RBMS1: variants seen among roughly 807,000 people sequenced by gnomAD.
The protein encoded by RBMS1 is RNA binding motif single stranded interacting protein 1.
A neutral mutation model predicts 62.3 loss-of-function variants in RBMS1; 17 were observed. The observed-to-expected ratio is 0.27, with a 90% CI of 0.19 to 0.41. The LOEUF (loss-of-function observed/expected upper bound fraction) is 0.41, where lower values mean the gene tolerates loss of function less well. RBMS1 is among the 10% of genes least tolerant of loss of function. The pLI is 1.00. For synonymous variants in RBMS1, 172 were observed against 170.0 expected, an observed-to-expected ratio of 1.01 and a Z score of -0.09; for missense variants, 334 against 504.5, an observed-to-expected ratio of 0.66 and a Z score of 3.24.
intron 6 of RBMS1, among the ~76,000 whole-genome samples, chr2:160,297,168 G>A (rs1462193702): frequency 2.0e-5 from 3 of 152,202 alleles, no homozygotes; most frequent in African/African-American, 7.2e-5. Flanking sequence ...GATGCATTAT[G>A]CCAGCTAAAC....
intron 1 of RBMS1, among the ~76,000 whole-genome samples, chr2:160,455,968 C>T (rs988479750): frequency 3.3e-5 from 5 of 151,886 alleles, no homozygotes; most frequent in East Asian, 1.9e-4. Context: ...CAGGCGTGAG[C>T]CACCGCGCCC....
At chr2:160,382,366 C>T (rs1174328916) in intron 1 of RBMS1, among the ~76,000 whole-genome samples, 1 of 152,152 alleles carries the variant, frequency 6.6e-6, no homozygotes, top group African/African-American at 2.4e-5. Context: ...AGAACAATTT[C>T]CCAACTCCAT....
chr2:160,451,354 C>T (rs1418101486), intron 1 of RBMS1, among the ~76,000 whole-genome samples: 2 of 152,058 alleles, frequency 1.3e-5, no homozygotes, highest in Non-Finnish European at 1.5e-5. Flanking sequence ...GTTCACCTTC[C>T]AGTGCCTTCA....
chr2:160,343,818 C>T (rs1443022660), intron 2 of RBMS1, among the ~76,000 whole-genome samples: 4 of 152,052 alleles, frequency 2.6e-5, no homozygotes, highest in African/African-American at 7.2e-5. Context: ...ACTTTTGATG[C>T]GTTATTAATT....
intron 1 of RBMS1, among the ~76,000 whole-genome samples, chr2:160,466,356 T>A (rs1684689869): frequency 6.6e-6 from 1 of 152,130 alleles, no homozygotes; most frequent in Non-Finnish European, 1.5e-5. Flanking sequence ...TATAAAATAT[T>A]GTTTGCTTTC....
intron 10 of RBMS1, among the ~76,000 whole-genome samples, chr2:160,281,080 G>C (rs545634048): frequency 6.6e-6 from 1 of 152,108 alleles, no homozygotes; most frequent in Non-Finnish European, 1.5e-5. Flanking sequence ...AGAAAATGGT[G>C]CCCTGCCTCA....
chr2:160,396,987 T>C (rs780674875), intron 1 of RBMS1, among the ~76,000 whole-genome samples: 34 of 152,222 alleles, frequency 2.2e-4, no homozygotes, highest in Admixed American at 9.2e-4. Flanking sequence ...TCATTGTCTT[T>C]CTTGATTTCA....
chr2:160,426,210 G>A (rs543964312), intron 1 of RBMS1, among the ~76,000 whole-genome samples: 31 of 132,800 alleles, frequency 2.3e-4, no homozygotes, highest in African/African-American at 6.0e-4. Flanking sequence ...AAGAAAGAGA[G>A]AGAGACAGAA....
chr2:160,446,057 A>G (rs757921148), intron 1 of RBMS1, among the ~76,000 whole-genome samples: 2 of 152,232 alleles, frequency 1.3e-5, no homozygotes, highest in Non-Finnish European at 2.9e-5. Flanking sequence ...TCTGGGCAAG[A>G]ATAGTTTTCT....
intron 1 of RBMS1, among the ~76,000 whole-genome samples, chr2:160,448,940 G>T (rs948661636): frequency 3.3e-5 from 5 of 151,722 alleles, no homozygotes; most frequent in Admixed American, 2.0e-4. Context: ...CCTCTGCCCG[G>T]TCGCCATCCC....
At chr2:160,436,754 C>T (rs527829347) in intron 1 of RBMS1, among the ~76,000 whole-genome samples, 10 of 152,102 alleles carry the variant, frequency 6.6e-5, no homozygotes, top group African/African-American at 2.4e-4. Flanking sequence ...GTGCTGCTGT[C>T]ATGGAAAAGG....
chr2:160,325,713 A>G (rs953421887), intron 2 of RBMS1, among the ~76,000 whole-genome samples: 2 of 152,218 alleles, frequency 1.3e-5, no homozygotes, highest in East Asian at 1.9e-4. Context: ...AGGCCTAAAA[A>G]TAGTAGAAAG....
intron 2 of RBMS1, among the ~76,000 whole-genome samples, chr2:160,341,370 C>A (rs1691865192): frequency 6.6e-6 from 1 of 152,108 alleles, no homozygotes; most frequent in South Asian, 2.1e-4. Context: ...CTACCAGCAC[C>A]CATCTCACTG....
chr2:160,407,517 T>C (rs1695807879), intron 1 of RBMS1: 1 of 986,422 alleles, frequency 1.0e-6, no homozygotes, highest in East Asian at 1.1e-4. Flanking sequence ...TTGCCACTGC[T>C]GCTGGGGAAG....
chr2:160,324,905 T>TACACAC (rs1479224727), intron 2 of RBMS1, among the ~76,000 whole-genome samples: 93 of 118,690 alleles, frequency 7.8e-4, no homozygotes, highest in African/African-American at 2.5e-3. Flanking sequence ...TATATATATA[T>TACACAC]ATACACACAC....
chr2:160,458,243 C>G (rs1366946895), intron 1 of RBMS1, among the ~76,000 whole-genome samples: 3 of 152,154 alleles, frequency 2.0e-5, no homozygotes, highest in African/African-American at 7.2e-5. Flanking sequence ...GGATTACAGG[C>G]ACCAGCCATG....
chr2:160,407,070 G>T (rs993775071), intron 1 of RBMS1, among the ~76,000 whole-genome samples: 2 of 151,912 alleles, frequency 1.3e-5, no homozygotes, highest in East Asian at 1.9e-4. Context: ...GGTTTCCTAC[G>T]AATCAGACAG....
intron 1 of RBMS1, among the ~76,000 whole-genome samples, chr2:160,462,592 T>C (rs1212030430): frequency 6.6e-6 from 1 of 152,106 alleles, no homozygotes; most frequent in Admixed American, 6.6e-5. Flanking sequence ...ATATGGAACA[T>C]CATATTAGCC....
In RBMS1 at chr2:160,459,935, T is replaced by G. The variant is rs1409313148; in HGVS notation, c.75+33354A>C. On this transcript the variant is annotated intron_variant, in intron 1 of 13. Coordinates refer to ENST00000348849, the MANE Select transcript of RBMS1 (RefSeq NM_016836.4). The stretch of plus-strand genomic sequence containing the variant: ...CACTTAACTTCAAGCCTAAGCCTGC[T>G]GAGCCAGGGGAGGATTTATGACTTT... 3.3e-5 allele frequency among the ~76,000 whole-genome samples: 5 copies of G among 152,350 alleles called. No homozygotes were observed. The East Asian group carries it at 9.6e-4, about 29-fold the overall frequency.
Sources: allele counts gnomAD v4.1 joint callset (sites outside exome capture counted in the v4.1 genomes callset), GRCh38; gene constraint gnomAD v4.1.1; transcripts MANE v1.5; gene names NCBI Gene and HGNC (gene_info 2026-07-23, HGNC 2026-07-21).